CORO1A: variants seen among roughly 807,000 people sequenced by gnomAD.
The protein encoded by CORO1A is coronin 1A, also known as coronin-1A.
A neutral mutation model predicts 44.1 loss-of-function variants in CORO1A; 17 were observed. The ratio of observed to expected loss-of-function variants is 0.39; its 90% CI spans 0.26 to 0.58. CORO1A has a LOEUF of 0.58. Ranked by LOEUF, CORO1A falls within the 20% of genes least tolerant of loss-of-function variation. CORO1A has a pLI of 0.62. For missense variants in CORO1A, 415 were observed against 606.5 expected (o/e 0.68, Z 3.32); for synonymous variants, 271 against 244.2 (o/e 1.11, Z -1.02).
chr16:30,185,398 C>A lies in CORO1A; in HGVS notation c.189C>A (p.Pro63=), dbSNP rs1344949254. ...ASGGGAFLVL[P]LGKTGRVDKN... ...GGGGAGGGGCCTTCCTGGTGCTGCCCCTGGGCAAGGTGAGCCCCTGGGGCC... is the reference window on the plus strand; with the variant it reads ...GGGGAGGGGCCTTCCTGGTGCTGCCACTGGGCAAGGTGAGCCCCTGGGGCC... The change falls in exon 2 of 11, where the codon CCC becomes CCA. Residue 63 remains proline (P), a synonymous_variant. Coordinates refer to ENST00000219150, the MANE Select transcript of CORO1A (RefSeq NM_007074.4). The A allele has an allele frequency of 6.2e-7, 1 of 1,613,502 alleles. No homozygotes were observed. The highest frequency in any genetic ancestry group is 8.5e-7 in the Non-Finnish European group (1 of 1,179,980).
intron 6 of CORO1A, 99 bp from the exon 7 acceptor site, chr16:30,187,626 T>A: frequency 6.7e-7 from 1 of 1,481,628 alleles, no homozygotes; most frequent in Non-Finnish European, 9.3e-7. Context: ...CGTGAGATGG[T>A]TGTTCCCACT....
At position 30,184,911 on chromosome 16, in the gene CORO1A, C is replaced by T. The variant is rs2073316703; in HGVS notation, c.-1-298C>T. 1.9e-6 allele frequency: 1 copy of T among 521,220 alleles called. No individual in the cohort carries two copies. The highest frequency in any genetic ancestry group is 3.2e-5 in the Admixed American group (1 of 31,302). The allele number at this position is 521,220 out of a possible 1,614,324, so 32.3% of individuals were successfully genotyped here. ...GCTCTGCATCCATCAGCCAGTCAGTCAACAAACATGCAGTGGGGCAACACC... is the reference window on the plus strand; with the variant it reads ...GCTCTGCATCCATCAGCCAGTCAGTTAACAAACATGCAGTGGGGCAACACC... On this transcript the variant is annotated intron_variant, in intron 1 of 10. Transcript: ENST00000219150. This position sits in a 1 kb window ranked among gnomAD's most constrained non-coding sequence, Gnocchi z 4.3.
chr16:30,185,627 G>A, intron 2 of CORO1A: 1 of 597,744 alleles, frequency 1.7e-6, no homozygotes, highest in East Asian at 2.8e-5. Context: ...GGTCACACCA[G>A]TGACCAGGAC....
In CORO1A at chr16:30,188,261, C is replaced by A; in HGVS notation, c.1065+12C>A. The A allele has an allele frequency of 6.2e-7, 1 of 1,613,706 alleles. No homozygotes were observed. Among genetic ancestry groups the A allele is most frequent in the Non-Finnish European group, 8.5e-7 (1 of 1,179,708 alleles). ...CAGTGCCTCGAAAGGTGATGCTCCC[C>A]CGCCCCACCCTGGGCTCCAGGCTGG... On this transcript the variant is annotated intron_variant, in intron 9 of 10. Coordinates refer to ENST00000219150, the MANE Select transcript of CORO1A (RefSeq NM_007074.4).
chr16:30,188,037 G>T lies in CORO1A; in HGVS notation c.957G>T (p.Met319Ile). The change falls in exon 8 of 11, where the codon ATG becomes ATT. Residue 319 changes from methionine to isoleucine, a missense_variant. Physicochemically the swap from Met to Ile is conservative, Grantham distance 10. Transcript: ENST00000219150. ...GTTCCAAGGAGTCCCAGCGGGGCAT[G>T]GGCTACATGCCCAAACGTGGCCTGG... ...MFSSKESQRG[M>I]GYMPKRGLEV... 6.2e-7 allele frequency: 1 copy of T among 1,614,026 alleles called. No individual in the cohort carries two copies. The highest frequency in any genetic ancestry group is 1.3e-5 in the African/African-American group (1 of 75,052).
Position 30,184,973 on chromosome 16 carries a change from T to A in CORO1A, c.-1-236T>A. 2 of 606,564 alleles carry A rather than the reference T, an allele frequency of 3.3e-6. No individual in the cohort carries two copies. The highest frequency in any genetic ancestry group is 3.8e-5 in the South Asian group (2 of 52,724). 37.6% of individuals were successfully genotyped at this position (606,564 alleles called of 1,614,324 possible). A position where few individuals can be genotyped will look rare whatever the true frequency, so the allele number is the denominator to read the frequency against. On this transcript the variant is annotated intron_variant, in intron 1 of 10. Transcript: ENST00000219150. This position sits in a 1 kb window ranked among gnomAD's most constrained non-coding sequence, Gnocchi z 4.3. ...TGTTGCAGAGGCTGAGGGTACAGAT[T>A]GAGAGGGTGGCTCAGAGTGGCCTGG...
intron 2 of CORO1A, 90 bp downstream of exon 2, chr16:30,185,497 C>G: frequency 8.5e-7 from 1 of 1,179,172 alleles, no homozygotes; most frequent in Admixed American, 2.1e-5. Context: ...ACCAGGCCTT[C>G]CAGGGCCTGT....
chr16:30,185,438 T>G (rs762033339), intron 2 of CORO1A, 31 bp downstream of exon 2: 2 of 1,592,782 alleles, frequency 1.3e-6, no homozygotes, highest in Non-Finnish European at 1.7e-6. Context: ...GGGGAGCAGC[T>G]CCTCCACCGG....
At position 30,185,798 on chromosome 16, in the gene CORO1A, A is replaced by T. The variant is rs190448953; in HGVS notation, c.198+391A>T. 5.3e-4 allele frequency: 147 copies of T among 277,636 alleles called. 2 individuals are homozygous for T. The highest frequency in any genetic ancestry group is 2.9e-3 in the African/African-American group (134 of 45,802). The allele number at this position is 277,636 out of a possible 1,614,324, so 17.2% of individuals were successfully genotyped here. On this transcript the variant is annotated intron_variant, in intron 2 of 10. Coordinates refer to ENST00000219150, the MANE Select transcript of CORO1A (RefSeq NM_007074.4). ...CTCTGGGCCTGTCTGAGGACCTAGCAACTCTGTCCCCCAGCTCGCAGGCAG... is the reference window on the plus strand; with the variant it reads ...CTCTGGGCCTGTCTGAGGACCTAGCTACTCTGTCCCCCAGCTCGCAGGCAG...
Position 30,187,787 on chromosome 16 carries a change from C to G in CORO1A, c.819C>G (p.Pro273=). The change falls in exon 7 of 11, where the codon CCC becomes CCG. Residue 273 remains proline (P), a synonymous_variant. Transcript: ENST00000219150. The stretch of plus-strand genomic sequence containing the variant: ...ACACCAGCAGCGGTGTCCTGCTGCC[C>G]TTCTTTGACCCTGACACCAACATCG... ...ELDTSSGVLL[P]FFDPDTNIVY... 1.3e-6 allele frequency: 2 copies of G among 1,569,308 alleles called. No homozygotes were observed. Among genetic ancestry groups the G allele is most frequent in the Non-Finnish European group, 1.7e-6 (2 of 1,157,558 alleles).
intron 3 of CORO1A, 30 bp downstream of exon 3, chr16:30,186,750 G>A: frequency 1.2e-6 from 2 of 1,610,250 alleles, no homozygotes; most frequent in Non-Finnish European, 1.7e-6. Context: ...CAGGGGCTGG[G>A]AGAGGGGCTC....
In CORO1A at chr16:30,187,094, A is replaced by G; in HGVS notation, c.507A>G (p.Thr169=). 3 of 1,614,048 alleles carry G rather than the reference A, an allele frequency of 1.9e-6. No homozygotes were observed. The highest frequency in any genetic ancestry group is 2.5e-6 in the Non-Finnish European group (3 of 1,179,976). ...TGGGCACTGGGGCGGCCATGCTGAC[A>G]CTGGGCCCAGAGGTGCACCCAGACA... ...WDVGTGAAML[T]LGPEVHPDTI... is the part of the protein sequence containing the mutation. The change falls in exon 5 of 11, where the codon ACA becomes ACG. Residue 169 remains threonine (T), a synonymous_variant. Transcript: ENST00000219150.
At position 30,188,372 on chromosome 16, in the gene CORO1A, C is replaced by T. The variant is rs147924993; in HGVS notation, c.1077C>T (p.Phe359=). 2.5e-6 allele frequency: 4 copies of T among 1,613,766 alleles called. No homozygotes were observed. Among genetic ancestry groups the T allele is most frequent in the Non-Finnish European group, 3.4e-6 (4 of 1,180,008 alleles). The change falls in exon 10 of 11, where the codon TTC becomes TTT. Residue 359 remains phenylalanine, a synonymous_variant. Transcript: ENST00000219150. The part of the protein sequence containing the change: ...AMTVPRKSDL[F]QEDLYPPTAG... Reference sequence around the variant, plus strand: ...GGCCTTGCCCACAGTCGGACCTGTTCCAGGAGGACCTGTACCCACCCACCG... The same window carrying T: ...GGCCTTGCCCACAGTCGGACCTGTTTCAGGAGGACCTGTACCCACCCACCG...
rs370896577 is a variant in CORO1A, at chr16:30,186,855, C to T, written c.361C>T (p.Arg121Trp). 7 of 1,611,736 alleles carry T rather than the reference C, an allele frequency of 4.3e-6. No homozygotes were observed. The highest frequency in any genetic ancestry group is 2.2e-5 in the East Asian group (1 of 44,870). ...IPDGGLMLPL[R>W]EPVVTLEGHT... ...AGATGGGGGCCTGATGCTGCCCCTG[C>T]GGGAGCCCGTCGTCACCCTGGAGGG... The change falls in exon 4 of 11, where the codon CGG becomes TGG. Residue 121 changes from arginine (R) to tryptophan (W), a missense_variant. Physicochemically the swap from Arg to Trp is moderately radical, Grantham distance 101. Transcript: ENST00000219150.
intron 6 of CORO1A, 101 bp from the exon 7 acceptor site, chr16:30,187,624 G>A (rs893581339): frequency 8.7e-6 from 13 of 1,491,482 alleles, no homozygotes; most frequent in Non-Finnish European, 9.2e-7. Context: ...GGCGTGAGAT[G>A]GTTGTTCCCA....
In CORO1A at chr16:30,185,271, C is replaced by T; in HGVS notation, c.62C>T (p.Ala21Val). 6.2e-7 allele frequency: 1 copy of T among 1,614,214 alleles called. No individual in the cohort carries two copies. The highest frequency in any genetic ancestry group is 8.5e-7 in the Non-Finnish European group (1 of 1,180,018). The stretch of plus-strand genomic sequence containing the variant: ...CACGTGTTTGGACAGCCGGCCAAGG[C>T]CGACCAGTGCTATGAAGATGTGCGC... ...FRHVFGQPAK[A>V]DQCYEDVRVS... Residue 21 changes from alanine to valine, a missense_variant, in exon 2 of 11, where the codon GCC becomes GTC. Around this residue, in one of 2 missense-constraint regions of CORO1A, gnomAD observed 325 missense variants for 521.7 expected, o/e 0.62. Coordinates refer to ENST00000219150, the MANE Select transcript of CORO1A (RefSeq NM_007074.4).
At position 30,187,178 on chromosome 16, in the gene CORO1A, C is replaced by T. The variant is rs1413081753; in HGVS notation, c.591C>T (p.Asp197=). 4 of 1,613,702 alleles carry T rather than the reference C, an allele frequency of 2.5e-6. No individual in the cohort carries two copies. The highest frequency in any genetic ancestry group is 2.5e-6 in the Non-Finnish European group (3 of 1,180,040). ...GCCTCATTTGTACCTCCTGCCGTGA[C>T]AAGCGCGTGCGCATCATCGAGCCCC... The part of the protein sequence containing the change: ...DGGLICTSCR[D]KRVRIIEPRK... Residue 197 remains aspartate, a synonymous_variant, in exon 5 of 11, where the codon GAC becomes GAT. Coordinates refer to ENST00000219150, the MANE Select transcript of CORO1A (RefSeq NM_007074.4).
Position 30,188,041 on chromosome 16 carries a change from T to C in CORO1A, c.961T>C (p.Tyr321His). Residue 321 changes from tyrosine (Y) to histidine (H), a missense_variant, in exon 8 of 11, where the codon TAC (tyrosine) becomes CAC (histidine). This residue lies in a region of CORO1A where 325 missense variants were observed against 521.7 expected (regional missense o/e 0.62). Coordinates refer to ENST00000219150, the MANE Select transcript of CORO1A (RefSeq NM_007074.4). Reference sequence around the variant, plus strand: ...CAAGGAGTCCCAGCGGGGCATGGGCTACATGCCCAAACGTGGCCTGGAGGT... The same window carrying C: ...CAAGGAGTCCCAGCGGGGCATGGGCCACATGCCCAAACGTGGCCTGGAGGT... ...SSKESQRGMG[Y>H]MPKRGLEVNK... The C allele has an allele frequency of 6.2e-7, 1 of 1,613,924 alleles. No individual in the cohort carries two copies. Among genetic ancestry groups the C allele is most frequent in the East Asian group, 2.2e-5 (1 of 44,874 alleles).
Position 30,187,192 on chromosome 16 carries a change from T to C in CORO1A, c.605T>C (p.Ile202Thr). 1.2e-6 allele frequency: 2 copies of C among 1,613,446 alleles called. No individual in the cohort carries two copies. Among genetic ancestry groups the C allele is most frequent in the Non-Finnish European group, 1.7e-6 (2 of 1,180,016 alleles). ...TCCTGCCGTGACAAGCGCGTGCGCA[T>C]CATCGAGCCCCGCAAAGGCACTGTC... ...CTSCRDKRVR[I>T]IEPRKGTVVA... Residue 202 changes from isoleucine to threonine, a missense_variant, in exon 5 of 11, where the codon ATC (isoleucine) becomes ACC (threonine). Physicochemically the swap from Ile to Thr is moderately conservative, Grantham distance 89. Around this residue, in one of 2 missense-constraint regions of CORO1A, gnomAD observed 325 missense variants for 521.7 expected, o/e 0.62. Coordinates refer to ENST00000219150, the MANE Select transcript of CORO1A (RefSeq NM_007074.4).
Sources: allele counts gnomAD v4.1 joint callset, GRCh38; gene constraint gnomAD v4.1.1; regional missense constraint gnomAD v4.1.1; non-coding constraint Gnocchi (gnomAD v3.1); transcripts MANE v1.5; gene names NCBI Gene and HGNC (gene_info 2026-07-23, HGNC 2026-07-21).